KCNC2: variants seen among roughly 807,000 people sequenced by gnomAD.
KCNC2 encodes voltage-gated potassium channel KCNC2.
A neutral mutation model predicts 44.5 loss-of-function variants in KCNC2; 21 were observed. The observed-to-expected ratio is 0.47, with a 90% CI of 0.33 to 0.68. KCNC2 has a LOEUF of 0.68. Ranked by LOEUF, KCNC2 falls within the 30% of genes least tolerant of loss-of-function variation. The probability of loss-of-function intolerance (pLI) is 0.01; values close to 1 mark genes in which losing one functional copy is unlikely to be tolerated. For synonymous variants in KCNC2, 391 were observed against 339.1 expected (o/e 1.15, Z -1.68); for missense variants, 589 against 826.2 (o/e 0.71, Z 3.52).
At chr12:75,185,537 T>A (rs953500437) in intron 2 of KCNC2, among the ~76,000 whole-genome samples, 2 of 151,898 alleles carry the variant, frequency 1.3e-5, no homozygotes, top group Admixed American at 1.3e-4. Flanking sequence ...CCTTATGTTA[T>A]GGGATGACAC....
intron 2 of KCNC2, among the ~76,000 whole-genome samples, chr12:75,067,369 T>A (rs1882935764): frequency 6.6e-6 from 1 of 152,224 alleles, no homozygotes; most frequent in South Asian, 2.1e-4. Context: ...AGATCAATTA[T>A]AATACATTAT....
At chr12:75,168,965 G>A (rs979334090) in intron 2 of KCNC2, among the ~76,000 whole-genome samples, 2 of 151,442 alleles carry the variant, frequency 1.3e-5, no homozygotes, top group Non-Finnish European at 3.0e-5. Flanking sequence ...AATACTAAGA[G>A]AAAGATTTTC....
intron 2 of KCNC2, among the ~76,000 whole-genome samples, chr12:75,148,399 T>C (rs1890167209): frequency 6.6e-6 from 1 of 152,098 alleles, no homozygotes; most frequent in African/African-American, 2.4e-5. Context: ...CTTGATTTTC[T>C]TTTAATCTAA....
chr12:75,177,991 A>G (rs61932894), intron 2 of KCNC2, among the ~76,000 whole-genome samples: 12,520 of 152,082 alleles, frequency 0.082, 568 homozygotes, highest in Admixed American at 0.14. Flanking sequence ...GACATCAAAT[A>G]CCTTGTCCAA....
intron 2 of KCNC2, among the ~76,000 whole-genome samples, chr12:75,143,175 A>T (rs1267692743): frequency 3.3e-5 from 5 of 152,182 alleles, no homozygotes; most frequent in African/African-American, 1.2e-4. Flanking sequence ...CCAATTTGTT[A>T]TATAATTAAA....
intron 2 of KCNC2, among the ~76,000 whole-genome samples, chr12:75,184,091 C>T (rs1593049784): frequency 1.3e-5 from 2 of 152,114 alleles, no homozygotes; most frequent in South Asian, 2.1e-4. Context: ...CCATCTCCTC[C>T]GCTTGATTAG....
intron 2 of KCNC2, among the ~76,000 whole-genome samples, chr12:75,108,220 A>T (rs1298271021): frequency 6.6e-6 from 1 of 152,174 alleles, no homozygotes; most frequent in Non-Finnish European, 1.5e-5. Flanking sequence ...TGAGTTTTTG[A>T]CTCAAGATGT....
chr12:75,162,780 T>C (rs1164620258), intron 2 of KCNC2, among the ~76,000 whole-genome samples: 1 of 151,766 alleles, frequency 6.6e-6, no homozygotes, highest in Non-Finnish European at 1.5e-5. Context: ...AGAGGTAACT[T>C]AACCCCTCTC....
chr12:75,116,835 T>C (rs558934029), intron 2 of KCNC2, among the ~76,000 whole-genome samples: 51 of 152,280 alleles, frequency 3.3e-4, no homozygotes, highest in African/African-American at 1.1e-3. Context: ...CTGCAACTCA[T>C]GGTTGATGCA....
At chr12:75,072,772 C>T (rs937172505) in intron 2 of KCNC2, among the ~76,000 whole-genome samples, 1 of 152,124 alleles carries the variant, frequency 6.6e-6, no homozygotes, top group Admixed American at 6.5e-5. Flanking sequence ...TTAAATCAGA[C>T]ATTTAATGCT....
chr12:75,181,830 C>T (rs1892592424), intron 2 of KCNC2, among the ~76,000 whole-genome samples: 1 of 147,406 alleles, frequency 6.8e-6, no homozygotes, highest in Admixed American at 6.9e-5. Flanking sequence ...CCTGTGAAAG[C>T]ATAGGTATAA....
intron 2 of KCNC2, among the ~76,000 whole-genome samples, chr12:75,168,008 G>T (rs1024611597): frequency 6.6e-6 from 1 of 151,178 alleles, no homozygotes; most frequent in Non-Finnish European, 1.5e-5. Flanking sequence ...ATATGAGATT[G>T]CCAGAGACTA....
intron 2 of KCNC2, among the ~76,000 whole-genome samples, chr12:75,167,597 A>G (rs1891542897): frequency 1.3e-5 from 2 of 151,352 alleles, no homozygotes; most frequent in South Asian, 4.1e-4. Flanking sequence ...AAGAATAAAT[A>G]AATAAAGGCT....
chr12:75,061,582 CA>C (rs1882335866), intron 2 of KCNC2, among the ~76,000 whole-genome samples: 3 of 150,394 alleles, frequency 2.0e-5, no homozygotes, highest in African/African-American at 4.9e-5. Context: ...CACACACACA[CA>C]CACACACACA....
intron 3 of KCNC2, among the ~76,000 whole-genome samples, chr12:75,050,003 C>A (rs1414710598): frequency 6.6e-6 from 1 of 151,912 alleles, no homozygotes; most frequent in African/African-American, 2.4e-5. Flanking sequence ...GACAAACACA[C>A]CAAGCCAAAC....
intron 2 of KCNC2, among the ~76,000 whole-genome samples, chr12:75,097,399 G>C (rs535705727): frequency 6.6e-6 from 1 of 152,150 alleles, no homozygotes; most frequent in East Asian, 1.9e-4. Context: ...ATAAACTATG[G>C]ACTTTGGTTC....
chr12:75,130,034 C>T (rs990257033), intron 2 of KCNC2, among the ~76,000 whole-genome samples: 17 of 152,086 alleles, frequency 1.1e-4, no homozygotes, highest in African/African-American at 4.1e-4. Context: ...TTCTGTTTAC[C>T]CTTCAGGGTC....
intron 2 of KCNC2, among the ~76,000 whole-genome samples, chr12:75,151,446 G>A (rs1890387395): frequency 6.6e-6 from 1 of 151,798 alleles, no homozygotes; most frequent in Non-Finnish European, 1.5e-5. Context: ...AATCCTCTTT[G>A]GAGCAGCTCA....
chr12:75,098,247 G>A (rs1886095797), intron 2 of KCNC2, among the ~76,000 whole-genome samples: 1 of 151,936 alleles, frequency 6.6e-6, no homozygotes, highest in East Asian at 2.0e-4. Context: ...TTCCTAACAA[G>A]AAGCATGAAC....
Sources: gnomAD v4.1 joint callset for allele counts (sites outside exome capture counted in the v4.1 genomes callset) on GRCh38, gnomAD v4.1.1 for gene constraint, MANE v1.5 for transcripts, NCBI Gene and HGNC (gene_info 2026-07-23, HGNC 2026-07-21) for gene names.